Variants in IMMP2L observed in about 807,000 individuals in gnomAD.
IMMP2L encodes the protein mitochondrial inner membrane protease subunit 2.
IMMP2L carries 18 observed loss-of-function variants against 19.3 expected under a neutral mutation model. That is an observed-to-expected ratio of 0.93 (90% CI 0.64 to 1.38). IMMP2L has a LOEUF of 1.38. IMMP2L is among the 40% of genes most tolerant of loss of function. The pLI is 0.00. For synonymous variants in IMMP2L, 76 were observed against 73.0 expected, an observed-to-expected ratio of 1.04 and a Z score of -0.21; for missense variants, 233 against 218.2, an observed-to-expected ratio of 1.07 and a Z score of -0.43.
intron 3 of IMMP2L, among the ~76,000 whole-genome samples, chr7:111,206,928 A>T (rs1005537279): frequency 4.6e-5 from 7 of 152,204 alleles, no homozygotes; most frequent in African/African-American, 1.7e-4. Flanking sequence ...CATACATTTC[A>T]AATAAGTGGA....
intron 5 of IMMP2L, among the ~76,000 whole-genome samples, chr7:110,845,820 G>C (rs565969939): frequency 1.3e-5 from 2 of 152,210 alleles, no homozygotes; most frequent in African/African-American, 2.4e-5. Context: ...TAGGTCATGA[G>C]AGTGGAGCCC....
intron 3 of IMMP2L, among the ~76,000 whole-genome samples, chr7:111,290,122 G>T (rs988382149): frequency 5.3e-5 from 8 of 152,112 alleles, no homozygotes; most frequent in Middle Eastern, 3.2e-3. Context: ...TAGTTTAATT[G>T]CTTCCCATGC....
rs577020603 is a variant in IMMP2L at position 111,509,681 on chromosome 7, G to T, written c.135+11632C>A. On this transcript the variant is annotated intron_variant, in intron 2 of 5. Coordinates refer to ENST00000405709, the MANE Select transcript of IMMP2L (RefSeq NM_032549.4). ...CCAGTTGCATGTATGTGTGTATAGT[G>T]CAAAATATATTACTTAATATGAGTC... Among the ~76,000 whole-genome samples the T allele has an allele frequency of 1.2e-4, 18 of 152,162 alleles. No homozygotes were observed. In the South Asian group the frequency reaches 3.5e-3, roughly 30 times the overall value.
chr7:110,914,447 A>AT (rs918200484), intron 4 of IMMP2L, among the ~76,000 whole-genome samples: 9 of 152,134 alleles, frequency 5.9e-5, no homozygotes, highest in Non-Finnish European at 1.2e-4. Flanking sequence ...AACAAAATTA[A>AT]TTTTTCTTCA....
At chr7:111,480,233 A>G (rs7797039) in intron 3 of IMMP2L, among the ~76,000 whole-genome samples, 3,461 of 151,464 alleles carry the variant, frequency 0.023, 137 homozygotes, top group African/African-American at 0.08. Flanking sequence ...ACAGGCGCCC[A>G]CCACCACGCC....
At chr7:110,795,682 A>G (rs2131177933) in intron 5 of IMMP2L, among the ~76,000 whole-genome samples, 1 of 152,248 alleles carries the variant, frequency 6.6e-6, no homozygotes, top group East Asian at 1.9e-4. Flanking sequence ...CCTGCTTTTT[A>G]ACCCCAGAGC....
At chr7:110,985,557 A>G (rs1821771189) in intron 3 of IMMP2L, among the ~76,000 whole-genome samples, 1 of 152,190 alleles carries the variant, frequency 6.6e-6, no homozygotes, top group South Asian at 2.1e-4. Context: ...TGATGATATT[A>G]CCATGACAAT....
chr7:110,912,563 A>G (rs2129548512), intron 4 of IMMP2L, among the ~76,000 whole-genome samples: 1 of 152,202 alleles, frequency 6.6e-6, no homozygotes, highest in Admixed American at 6.6e-5. Flanking sequence ...AGCATTAAAA[A>G]TTATAGAAGG....
At chr7:111,017,380 C>T (rs1480729779) in intron 3 of IMMP2L, among the ~76,000 whole-genome samples, 1 of 151,930 alleles carries the variant, frequency 6.6e-6, no homozygotes, top group Non-Finnish European at 1.5e-5. Context: ...TTTTTAACTC[C>T]ATGGTCATTA....
At chr7:111,033,344 C>A (rs932075590) in intron 3 of IMMP2L, among the ~76,000 whole-genome samples, 1 of 152,104 alleles carries the variant, frequency 6.6e-6, no homozygotes, top group African/African-American at 2.4e-5. Context: ...AGATGTGGAA[C>A]AATAGGAACT....
chr7:111,464,070 G>T (rs1013998349), intron 3 of IMMP2L, among the ~76,000 whole-genome samples: 1 of 152,098 alleles, frequency 6.6e-6, no homozygotes, highest in Non-Finnish European at 1.5e-5. Context: ...AGCATGGATT[G>T]TGAAGGCAGA....
rs186261497 is a variant in IMMP2L at position 110,701,524 on chromosome 7, G to A, written c.409-37803C>T. 5.4e-3 allele frequency among the ~76,000 whole-genome samples: 823 copies of A among 152,054 alleles called. 8 individuals carry two copies. Among genetic ancestry groups the A allele is most frequent in the Middle Eastern group, 0.014 (4 of 290 alleles). On this transcript the variant is annotated intron_variant, in intron 5 of 5. Coordinates refer to ENST00000405709, the MANE Select transcript of IMMP2L (RefSeq NM_032549.4). Reference sequence around the variant, plus strand: ...CAATCTCTGCCTCCCAGGTTCGAGCGATTCTCCTGCCTCAGCCTCCTGAGT... The same window carrying A: ...CAATCTCTGCCTCCCAGGTTCGAGCAATTCTCCTGCCTCAGCCTCCTGAGT...
intron 3 of IMMP2L, among the ~76,000 whole-genome samples, chr7:111,375,409 C>T (rs945940738): frequency 6.6e-6 from 1 of 151,982 alleles, no homozygotes; most frequent in Non-Finnish European, 1.5e-5. Context: ...CTGAGTGAAG[C>T]CTGGAAATGT....
chr7:110,901,119 C>T (rs575091677), intron 4 of IMMP2L, among the ~76,000 whole-genome samples: 1 of 152,044 alleles, frequency 6.6e-6, no homozygotes, highest in Non-Finnish European at 1.5e-5. Context: ...TCCTGTCACA[C>T]TCTACTCTTC....
At chr7:111,309,372 A>G (rs749106987) in intron 3 of IMMP2L, among the ~76,000 whole-genome samples, 2 of 152,158 alleles carry the variant, frequency 1.3e-5, no homozygotes, top group Non-Finnish European at 2.9e-5. Flanking sequence ...GATGAGTATT[A>G]TAAGTAAATG....
intron 5 of IMMP2L, among the ~76,000 whole-genome samples, chr7:110,882,304 C>A (rs1467992354): frequency 2.0e-5 from 2 of 101,700 alleles, no homozygotes; most frequent in African/African-American, 6.5e-5. Flanking sequence ...TTCCTTCCTT[C>A]CTTCCTTCCT....
At chr7:110,856,012 A>T (rs919591072) in intron 5 of IMMP2L, among the ~76,000 whole-genome samples, 1 of 152,098 alleles carries the variant, frequency 6.6e-6, no homozygotes, top group African/African-American at 2.4e-5. Context: ...AAATTCAGCT[A>T]TAAGTTTTGA....
At chr7:111,122,661 C>G in intron 3 of IMMP2L, 1 of 827,700 alleles carries the variant, frequency 1.2e-6, no homozygotes, top group East Asian at 2.6e-5. Flanking sequence ...CTATGGCATT[C>G]ATCATTTGAC....
intron 3 of IMMP2L, among the ~76,000 whole-genome samples, chr7:111,166,261 T>C (rs1423388770): frequency 6.6e-6 from 1 of 152,024 alleles, no homozygotes; most frequent in Non-Finnish European, 1.5e-5. Flanking sequence ...AGTCTCTACA[T>C]AGATTTAAAT....
Sources: gnomAD v4.1 joint callset for allele counts (sites outside exome capture counted in the v4.1 genomes callset) on GRCh38, gnomAD v4.1.1 for gene constraint, MANE v1.5 for transcripts, NCBI Gene and HGNC (gene_info 2026-07-23, HGNC 2026-07-21) for gene names.